The following NEMP2 variants were observed in gnomAD, a reference collection of about 807,000 sequenced individuals.
The protein encoded by NEMP2 is nuclear envelope integral membrane protein 2, also known as UPF0571 transmembrane protein.
Under a neutral mutation model 54.2 loss-of-function variants are expected in NEMP2, and 53 were observed. The observed-to-expected ratio is 0.98, with a 90% CI of 0.78 to 1.23. The LOEUF is 1.23. NEMP2 is among the 50% of genes most tolerant of loss of function. The probability of loss-of-function intolerance (pLI) is 0.00; values close to 1 mark genes in which losing one functional copy is unlikely to be tolerated. For missense variants in NEMP2, 455 were observed against 511.3 expected (o/e 0.89, Z 1.06); for synonymous variants, 197 against 190.3 (o/e 1.04, Z -0.29).
rs1223036377 is a variant in NEMP2 at position 190,531,555 on chromosome 2, T to C, written c.97+3004A>G. 2.6e-5 allele frequency among the ~76,000 whole-genome samples: 4 copies of C among 152,218 alleles called. No individual in the cohort carries two copies. Among genetic ancestry groups the C allele is most frequent in the African/African-American group, 7.2e-5 (3 of 41,446 alleles). On this transcript the variant is annotated intron_variant, in intron 1 of 8. Transcript: ENST00000409150. This position sits in a 1 kb window ranked among gnomAD's most constrained non-coding sequence, Gnocchi z 4.7. Reference sequence around the variant, plus strand: ...TTACAGGAGGCATTAATTATTTACATTACCAAAGGATTCAGAAAGTCAGGG... The same window carrying C: ...TTACAGGAGGCATTAATTATTTACACTACCAAAGGATTCAGAAAGTCAGGG...
At chr2:190,435,171 G>A in the NEMP2 span, 135,572 of 152,262 alleles carry the variant, frequency 0.89, 60,722 homozygotes, top group East Asian at 1. Context: ...AAGCCATAAT[G>A]TCAGGGTTCA....
the NEMP2 span, among the ~76,000 whole-genome samples, chr2:190,617,891 AATGGTTTTTACGGTTTC>A: frequency 1.3e-5 from 2 of 152,304 alleles, no homozygotes; most frequent in East Asian, 3.9e-4. This position sits in a 1 kb window ranked among gnomAD's most constrained non-coding sequence, Gnocchi z 5.0. Flanking sequence ...CAATCTTGGA[AATGGTTTTTACGGTTTC>A]ATGATCATTT....
the NEMP2 span, chr2:190,488,573 C>T: frequency 5.1e-6 from 6 of 1,178,150 alleles, no homozygotes; most frequent in Admixed American, 6.0e-5. The surrounding 1 kb of genome is among the most constrained non-coding windows in gnomAD (Gnocchi z 6.4). Context: ...AAAATAGGTG[C>T]CTAGTTAAAT....
chr2:190,572,853 A>G, the NEMP2 span, among the ~76,000 whole-genome samples: 1 of 118,722 alleles, frequency 8.4e-6, no homozygotes, highest in African/African-American at 3.2e-5. Flanking sequence ...ATATATATAT[A>G]TATATATATA....
rs1342828143 is a variant in NEMP2 at position 190,522,279 on chromosome 2, A to T, written c.213+2984T>A. On this transcript the variant is annotated intron_variant, in intron 2 of 8. Coordinates refer to ENST00000409150, the MANE Select transcript of NEMP2 (RefSeq NM_001142645.2). This position sits in a 1 kb window ranked among gnomAD's most constrained non-coding sequence, Gnocchi z 5.0. Reference sequence around the variant, plus strand: ...AATCTACTGATTGGGTACTATGGTCACTAGTTGGGGGATGGGTTCAGTAGA... The same window carrying T: ...AATCTACTGATTGGGTACTATGGTCTCTAGTTGGGGGATGGGTTCAGTAGA... Among the ~76,000 whole-genome samples the T allele has an allele frequency of 4.6e-5, 7 of 152,286 alleles. No homozygotes were observed. The highest frequency in any genetic ancestry group is 1.7e-4 in the African/African-American group (7 of 41,556).
chr2:190,604,767 T>C, the NEMP2 span, among the ~76,000 whole-genome samples: 2 of 152,106 alleles, frequency 1.3e-5, no homozygotes, highest in African/African-American at 4.8e-5. The surrounding 1 kb of genome is among the most constrained non-coding windows in gnomAD (Gnocchi z 4.5). Context: ...AATATTGTTA[T>C]TCAGCTCTCT....
chr2:190,615,972 T>C, the NEMP2 span, among the ~76,000 whole-genome samples: 1 of 152,158 alleles, frequency 6.6e-6, no homozygotes, highest in Non-Finnish European at 1.5e-5. The surrounding 1 kb of genome is among the most constrained non-coding windows in gnomAD (Gnocchi z 4.7). Context: ...ACCAGGCCCA[T>C]TCCCTCCTTC....
At chr2:190,489,286 A>G in the NEMP2 span, among the ~76,000 whole-genome samples, 1 of 152,202 alleles carries the variant, frequency 6.6e-6, no homozygotes, top group African/African-American at 2.4e-5. The surrounding 1 kb of genome is among the most constrained non-coding windows in gnomAD (Gnocchi z 6.6). Flanking sequence ...CTTCCTTATT[A>G]GAAACATAGG....
the NEMP2 span, among the ~76,000 whole-genome samples, chr2:190,423,302 A>C: frequency 6.6e-6 from 1 of 152,108 alleles, no homozygotes; most frequent in African/African-American, 2.4e-5. This position sits in a 1 kb window ranked among gnomAD's most constrained non-coding sequence, Gnocchi z 4.3. Context: ...CCCACTCTCT[A>C]GTGAATTCCT....
At chr2:190,623,728 GA>G in the NEMP2 span, among the ~76,000 whole-genome samples, 1 of 152,136 alleles carries the variant, frequency 6.6e-6, no homozygotes, top group Non-Finnish European at 1.5e-5. Flanking sequence ...AACATTGGGG[GA>G]AATGCTTCGG....
the NEMP2 span, among the ~76,000 whole-genome samples, chr2:190,549,763 T>C: frequency 6.6e-6 from 1 of 152,174 alleles, no homozygotes; most frequent in East Asian, 1.9e-4. Context: ...TATTCCAGGA[T>C]CATTTGTATG....
the NEMP2 span, among the ~76,000 whole-genome samples, chr2:190,620,912 G>T: frequency 1.3e-5 from 2 of 152,194 alleles, no homozygotes; most frequent in African/African-American, 4.8e-5. The surrounding 1 kb of genome is among the most constrained non-coding windows in gnomAD (Gnocchi z 4.9). Flanking sequence ...ATTCAGAAAG[G>T]TTGCAAGATA....
the NEMP2 span, among the ~76,000 whole-genome samples, chr2:190,561,732 A>T: frequency 6.6e-6 from 1 of 152,130 alleles, no homozygotes. The surrounding 1 kb of genome is among the most constrained non-coding windows in gnomAD (Gnocchi z 5.4). Context: ...CTATCTTTTT[A>T]AAAATCAAAT....
At chr2:190,426,637 C>G in the NEMP2 span, among the ~76,000 whole-genome samples, 1 of 152,164 alleles carries the variant, frequency 6.6e-6, no homozygotes, top group African/African-American at 2.4e-5. This position sits in a 1 kb window ranked among gnomAD's most constrained non-coding sequence, Gnocchi z 4.7. Context: ...TCCCATTCTC[C>G]CCACTTTTGG....
chr2:190,598,956 G>GTGTTT, the NEMP2 span, among the ~76,000 whole-genome samples: 1 of 152,086 alleles, frequency 6.6e-6, no homozygotes, highest in Non-Finnish European at 1.5e-5. Context: ...ACTGCAAATG[G>GTGTTT]TGTTTTGTTT....
the NEMP2 span, among the ~76,000 whole-genome samples, chr2:190,571,058 T>C: frequency 6.6e-6 from 1 of 152,228 alleles, no homozygotes; most frequent in African/African-American, 2.4e-5. Flanking sequence ...TTGCCTGGCT[T>C]CCATCCATTA....
At chr2:190,534,913 G>A (rs374146327), upstream of NEMP2, 257 of 333,422 alleles carry the variant, frequency 7.7e-4, no homozygotes, top group African/African-American at 5.2e-3. Context: ...TCCCGGCCTC[G>A]GCCTCGGCCT....
In NEMP2 at chr2:190,506,410, G is replaced by A. The variant is rs536873128; in HGVS notation, c.*2779C>T. ...GGGAAACAATCACACATAGCATAAT[G>A]TAAGAGAGCATTTCTTTAGTTGACA... On this transcript the variant is annotated 3_prime_UTR_variant, in exon 9 of 9. Transcript: ENST00000409150. This position sits in a 1 kb window ranked among gnomAD's most constrained non-coding sequence, Gnocchi z 6.3. 6.6e-6 allele frequency: 1 copy of A among 152,296 alleles called. No individual in the cohort carries two copies. The highest frequency in any genetic ancestry group is 2.1e-4 in the South Asian group (1 of 4,830). The allele number at this position is 152,296 out of a possible 1,614,324, so 9.4% of individuals were successfully genotyped here.
At chr2:190,438,079 A>G in the NEMP2 span, among the ~76,000 whole-genome samples, 25 of 152,142 alleles carry the variant, frequency 1.6e-4, no homozygotes, top group Non-Finnish European at 7.3e-5. This position sits in a 1 kb window ranked among gnomAD's most constrained non-coding sequence, Gnocchi z 5.2. Flanking sequence ...TAATTCCATG[A>G]TATTACATGG....
Sources: gnomAD v4.1 joint callset for allele counts (sites outside exome capture counted in the v4.1 genomes callset) on GRCh38, gnomAD v4.1.1 for gene constraint, Gnocchi (gnomAD v3.1) non-coding constraint, MANE v1.5 for transcripts, NCBI Gene and HGNC (gene_info 2026-07-23, HGNC 2026-07-21) for gene names.